The following MALRD1 variants were observed in gnomAD, a reference collection of about 807,000 sequenced individuals.
The protein encoded by MALRD1 is MAM and LDL receptor class A domain containing 1.
MALRD1 carries 247 observed loss-of-function variants against 242.1 expected under a neutral mutation model. That is an observed-to-expected ratio of 1.02 (90% confidence interval 0.92 to 1.13). The LOEUF (loss-of-function observed/expected upper bound fraction) is 1.13, where lower values mean the gene tolerates loss of function less well. Among genes scored for constraint, MALRD1 ranks in the 50% most tolerant of loss-of-function variants. The pLI, the probability that MALRD1 is intolerant of heterozygous loss-of-function variation, is 0.00. For synonymous variants in MALRD1, 995 were observed against 866.6 expected (o/e 1.15, Z -2.60); for missense variants, 2,989 against 2,533.1 (o/e 1.18, Z -3.86).
chr10:19,264,529 C>T (rs1839896396), intron 19 of MALRD1, among the ~76,000 whole-genome samples: 1 of 151,092 alleles, frequency 6.6e-6, no homozygotes, highest in Non-Finnish European at 1.5e-5. Flanking sequence ...TCCCTGCTCA[C>T]TGCAAGCTCC....
At chr10:19,637,114 A>T (rs1840172031) in intron 36 of MALRD1, among the ~76,000 whole-genome samples, 1 of 152,222 alleles carries the variant, frequency 6.6e-6, no homozygotes, top group Non-Finnish European at 1.5e-5. Flanking sequence ...ATAAGACTTG[A>T]TAAGTTTACT....
chr10:19,128,781 C>T (rs189176784), intron 8 of MALRD1, among the ~76,000 whole-genome samples: 5 of 152,132 alleles, frequency 3.3e-5, no homozygotes, highest in Admixed American at 1.3e-4. Flanking sequence ...GTTTGGGTAG[C>T]AGTAGACATA....
chr10:19,494,494 C>A (rs970089985), intron 30 of MALRD1, among the ~76,000 whole-genome samples: 1 of 152,120 alleles, frequency 6.6e-6, no homozygotes, highest in African/African-American at 2.4e-5. Context: ...TATTGAGATT[C>A]AGGAGGACAT....
chr10:19,589,899 G>C (rs543100252), intron 33 of MALRD1, among the ~76,000 whole-genome samples: 2,546 of 152,122 alleles, frequency 0.017, 43 homozygotes, highest in Admixed American at 0.017. Context: ...AGCGTGTTTG[G>C]CTCTTCTACA....
intron 29 of MALRD1, among the ~76,000 whole-genome samples, chr10:19,454,096 T>C (rs774775421): frequency 1.5e-4 from 23 of 152,080 alleles, no homozygotes; most frequent in Non-Finnish European, 2.9e-4. Flanking sequence ...AAGATGGCAA[T>C]TGTAGTGGCA....
At chr10:19,100,998 T>C (rs925747598) in intron 4 of MALRD1, among the ~76,000 whole-genome samples, 1 of 152,108 alleles carries the variant, frequency 6.6e-6, no homozygotes, top group Non-Finnish European at 1.5e-5. Context: ...ACACAATTCA[T>C]ATAACAGCTT....
At chr10:19,238,651 A>C (rs1382949507) in intron 18 of MALRD1, among the ~76,000 whole-genome samples, 2 of 122,820 alleles carry the variant, frequency 1.6e-5, no homozygotes, top group Admixed American at 1.9e-4. Context: ...TATTAGAAAT[A>C]GTGCTACAGT....
At chr10:19,329,122 T>C (rs1484512345) in intron 23 of MALRD1, among the ~76,000 whole-genome samples, 1 of 152,220 alleles carries the variant, frequency 6.6e-6, no homozygotes, top group Non-Finnish European at 1.5e-5. Context: ...ATACCCCTGA[T>C]TTTTTTGACT....
chr10:19,238,372 T>A (rs1457846127), intron 18 of MALRD1, among the ~76,000 whole-genome samples: 1 of 92,590 alleles, frequency 1.1e-5, no homozygotes, highest in African/African-American at 4.4e-5. Context: ...ATAATATATA[T>A]TATACATAAT....
In MALRD1 at chr10:19,595,173, T is replaced by C. The variant is rs1443525913; in HGVS notation, c.5681-21T>C. 5.2e-6 allele frequency: 8 copies of C among 1,537,288 alleles called. No homozygotes were observed. In the East Asian group the frequency reaches 2.0e-4, roughly 38 times the overall value. Reference sequence around the variant, plus strand: ...GGAAACTCCCTAATGCCAAAATAACTTGACTTGCTCTCTTTTTTAGGTCCT... The same window carrying C: ...GGAAACTCCCTAATGCCAAAATAACCTGACTTGCTCTCTTTTTTAGGTCCT... On this transcript the variant is annotated intron_variant, in intron 33 of 39. Transcript: ENST00000454679.
chr10:19,667,859 A>G (rs1841744017), intron 36 of MALRD1, among the ~76,000 whole-genome samples: 1 of 152,146 alleles, frequency 6.6e-6, no homozygotes, highest in Admixed American at 6.5e-5. Flanking sequence ...TAACTTATAA[A>G]CAACACAAAT....
intron 28 of MALRD1, among the ~76,000 whole-genome samples, chr10:19,450,105 C>G (rs1352441926): frequency 6.6e-6 from 1 of 152,192 alleles, no homozygotes; most frequent in East Asian, 1.9e-4. Flanking sequence ...TCCCCGACCC[C>G]TGACCTCTTG....
At chr10:19,491,988 GT>G (rs909952394) in intron 30 of MALRD1, among the ~76,000 whole-genome samples, 79 of 141,816 alleles carry the variant, frequency 5.6e-4, no homozygotes, top group Middle Eastern at 3.6e-3. Flanking sequence ...TTTATTGGTT[GT>G]TTTTTTTTTT....
chr10:19,561,994 T>C (rs1485628470), intron 32 of MALRD1, among the ~76,000 whole-genome samples: 2 of 152,128 alleles, frequency 1.3e-5, no homozygotes, highest in East Asian at 1.9e-4. Context: ...GTTCCTCTGA[T>C]CTTCATTATA....
chr10:19,063,226 A>G (rs984112698), intron 1 of MALRD1, among the ~76,000 whole-genome samples: 1 of 152,182 alleles, frequency 6.6e-6, no homozygotes, highest in Non-Finnish European at 1.5e-5. Flanking sequence ...GAAGACTACA[A>G]CTGTGCCTTA....
intron 19 of MALRD1, among the ~76,000 whole-genome samples, chr10:19,266,405 A>G (rs1371967782): frequency 6.6e-6 from 1 of 151,870 alleles, no homozygotes; most frequent in African/African-American, 2.4e-5. Context: ...TATGTGTTTA[A>G]CATAAGGCTT....
chr10:19,315,217 AAT>A (rs1842613534), intron 21 of MALRD1, among the ~76,000 whole-genome samples: 1 of 114,848 alleles, frequency 8.7e-6, no homozygotes, highest in Admixed American at 1.1e-4. Context: ...AATTTATATA[AAT>A]ATATAAATAT....
intron 28 of MALRD1, among the ~76,000 whole-genome samples, chr10:19,415,929 A>G (rs181233552): frequency 1.0e-3 from 156 of 152,330 alleles, no homozygotes; most frequent in African/African-American, 3.7e-3. Context: ...AATTTGGTAA[A>G]ACTCAACCTT....
intron 28 of MALRD1, among the ~76,000 whole-genome samples, chr10:19,403,117 G>A (rs1251156091): frequency 6.6e-6 from 1 of 152,090 alleles, no homozygotes; most frequent in Admixed American, 6.6e-5. Flanking sequence ...GAAATTGGAA[G>A]CTGATGATGG....
Sources: allele counts gnomAD v4.1 joint callset (sites outside exome capture counted in the v4.1 genomes callset), GRCh38; gene constraint gnomAD v4.1.1; transcripts MANE v1.5; gene names NCBI Gene and HGNC (gene_info 2026-07-23, HGNC 2026-07-21).